The following PAH variants were observed in gnomAD, a reference collection of about 807,000 sequenced individuals.
The protein encoded by PAH is phenylalanine-4-hydroxylase.
PAH carries 64 observed loss-of-function variants against 62.0 expected under a neutral mutation model. The observed-to-expected ratio is 1.03, with a 90% CI of 0.84 to 1.27. The LOEUF (loss-of-function observed/expected upper bound fraction) is 1.27. PAH is among the 50% of genes most tolerant of loss of function. The probability of loss-of-function intolerance (pLI) is 0.00; values close to 1 mark genes in which losing one functional copy is unlikely to be tolerated. For synonymous variants in PAH, 195 were observed against 196.2 expected, an observed-to-expected ratio of 0.99 and a Z score of 0.05; for missense variants, 579 against 542.8, an observed-to-expected ratio of 1.07 and a Z score of -0.66.
At chr12:102,895,809 C>A (rs1054303655) in intron 2 of PAH, among the ~76,000 whole-genome samples, 1 of 147,014 alleles carries the variant, frequency 6.8e-6, no homozygotes, top group African/African-American at 2.5e-5. Flanking sequence ...GAGCCAAGAT[C>A]GCGCCACTGC....
intron 2 of PAH, among the ~76,000 whole-genome samples, chr12:102,901,464 G>C (rs1877758227): frequency 6.6e-6 from 1 of 152,116 alleles, no homozygotes; most frequent in Non-Finnish European, 1.5e-5. Context: ...ATATTCAGTA[G>C]GTACTCCTTA....
chr12:102,958,319 G>A, exon 1 of PAH: 1 of 1,470,392 alleles, frequency 6.8e-7, no homozygotes, highest in Non-Finnish European at 9.0e-7. Flanking sequence ...AGCCCTTCCT[G>A]CCGCCCGCAG....
At chr12:102,891,289 G>C (rs537627924) in intron 3 of PAH, among the ~76,000 whole-genome samples, 1 of 152,090 alleles carries the variant, frequency 6.6e-6, no homozygotes, top group East Asian at 1.9e-4. Context: ...TCCTAGCACT[G>C]TGCCCGGCAC....
intron 2 of PAH, among the ~76,000 whole-genome samples, chr12:102,911,358 C>T (rs990956819): frequency 6.6e-6 from 1 of 152,126 alleles, no homozygotes; most frequent in African/African-American, 2.4e-5. Context: ...CTATGAAGCC[C>T]GTTCTGTCTG....
At chr12:102,952,929 G>T (rs1879811900), upstream of PAH, among the ~76,000 whole-genome samples, 1 of 152,232 alleles carries the variant, frequency 6.6e-6, no homozygotes, top group South Asian at 2.1e-4. Flanking sequence ...CAAGGCTGGT[G>T]CAGAGTCAAT....
intron 2 of PAH, among the ~76,000 whole-genome samples, chr12:102,906,587 AAT>A (rs1354901510): frequency 6.6e-6 from 1 of 152,108 alleles, no homozygotes; most frequent in African/African-American, 2.4e-5. Flanking sequence ...GCATTCACAA[AAT>A]ATATATATAG....
intron 1 of PAH, chr12:102,946,002 T>C (rs1014081582): frequency 1.3e-5 from 2 of 152,278 alleles, no homozygotes; most frequent in Non-Finnish European, 2.9e-5. Flanking sequence ...GGTCCTTCAC[T>C]TCAAGGTAGT....
rs188419238 is a variant in PAH at position 102,867,967 on chromosome 12, A to T, written c.442-1304T>A. Among the ~76,000 whole-genome samples the T allele has an allele frequency of 2.8e-3, 310 of 110,812 alleles. 5 individuals carry two copies. The highest frequency in any genetic ancestry group is 4.3e-3 in the Middle Eastern group (1 of 230). 72.7% of individuals were successfully genotyped at this position (110,812 alleles called of 152,430 possible). On this transcript the variant is annotated intron_variant, in intron 4 of 12. Transcript: ENST00000553106. ...TGTATATACATATATAGATGTATATATACATGTATATATAGATGTATATTA... is the reference window on the plus strand; with the variant it reads ...TGTATATACATATATAGATGTATATTTACATGTATATATAGATGTATATTA...
intron 11 of PAH, among the ~76,000 whole-genome samples, chr12:102,841,181 C>T (rs1427467318): frequency 6.6e-6 from 1 of 152,198 alleles, no homozygotes; most frequent in African/African-American, 2.4e-5. Context: ...GGAACCCAGG[C>T]AGTCTGACAC....
rs141817048 is a variant in PAH, at chr12:102,909,711, C to T, written c.168+3080G>A. 5.9e-3 allele frequency among the ~76,000 whole-genome samples: 905 copies of T among 152,300 alleles called. 9 individuals carry two copies. The highest frequency in any genetic ancestry group is 0.02 in the African/African-American group (839 of 41,548). ...TGGTAGCTCACGCCTGTAATCCCAG[C>T]ACTTTGGGAGGCCAAGGCAGGCAGA... On this transcript the variant is annotated intron_variant, in intron 2 of 12. Transcript: ENST00000553106.
At chr12:102,889,172 T>C (rs1877166072) in intron 3 of PAH, among the ~76,000 whole-genome samples, 1 of 152,168 alleles carries the variant, frequency 6.6e-6, no homozygotes. Flanking sequence ...CACACCCATG[T>C]ATTATCTTGC....
At chr12:102,905,230 A>G (rs1197046363) in intron 2 of PAH, among the ~76,000 whole-genome samples, 2 of 152,196 alleles carry the variant, frequency 1.3e-5, no homozygotes, top group Non-Finnish European at 2.9e-5. Flanking sequence ...TGGGGCTACT[A>G]TAATGTTTGG....
At chr12:102,847,354 G>A (rs1592949653) in intron 8 of PAH, 1 of 261,492 alleles carries the variant, frequency 3.8e-6, no homozygotes, top group East Asian at 8.3e-5. Context: ...GAGAACTGCA[G>A]ATAAGTGGTG....
intron 3 of PAH, among the ~76,000 whole-genome samples, chr12:102,893,322 C>A (rs1193469583): frequency 6.6e-6 from 1 of 152,040 alleles, no homozygotes; most frequent in East Asian, 1.9e-4. Flanking sequence ...ATTGCCTGAA[C>A]CCAGGAGGCA....
upstream of PAH, among the ~76,000 whole-genome samples, chr12:102,918,406 C>T (rs1878465155): frequency 6.6e-6 from 1 of 151,992 alleles, no homozygotes; most frequent in Admixed American, 6.5e-5. Context: ...TTGCTGGAAG[C>T]CCATCCCTCT....
intron 2 of PAH, among the ~76,000 whole-genome samples, chr12:102,911,036 T>A (rs1412834196): frequency 1.3e-5 from 2 of 152,134 alleles, no homozygotes; most frequent in Non-Finnish European, 2.9e-5. Context: ...GAGGTTACAA[T>A]CTCTTGGGGG....
chr12:102,923,633 T>C (rs1056369822), intron 1 of PAH: 1 of 152,226 alleles, frequency 6.6e-6, no homozygotes, highest in Non-Finnish European at 1.5e-5. Context: ...TAAATTAGAA[T>C]GTACCTTATT....
At chr12:102,842,361 T>C (rs1383987997) in intron 11 of PAH, among the ~76,000 whole-genome samples, 1 of 152,130 alleles carries the variant, frequency 6.6e-6, no homozygotes, top group African/African-American at 2.4e-5. Flanking sequence ...GCTGGAGAAA[T>C]AGTCATTTTA....
chr12:102,870,441 A>AG (rs1313815266), intron 4 of PAH, among the ~76,000 whole-genome samples: 2 of 152,208 alleles, frequency 1.3e-5, no homozygotes, highest in African/African-American at 4.8e-5. Flanking sequence ...AGTGTTGTAC[A>AG]GTTTAAGTCA....
Sources: gnomAD v4.1 joint callset for allele counts (sites outside exome capture counted in the v4.1 genomes callset) on GRCh38, gnomAD v4.1.1 for gene constraint, MANE v1.5 for transcripts, NCBI Gene and HGNC (gene_info 2026-07-23, HGNC 2026-07-21) for gene names.